ABTB2: variants seen among roughly 807,000 people sequenced by gnomAD.
The protein encoded by ABTB2 is ankyrin repeat and BTB/POZ domain-containing protein 2.
A neutral mutation model predicts 104.1 loss-of-function variants in ABTB2; 56 were observed. The ratio of observed to expected loss-of-function variants is 0.54; its 90% CI spans 0.43 to 0.67. ABTB2 has a LOEUF of 0.67. Ranked by LOEUF, ABTB2 falls within the 30% of genes least tolerant of loss-of-function variation. The probability of loss-of-function intolerance (pLI) is 0.00; values close to 1 mark genes in which losing one functional copy is unlikely to be tolerated. For synonymous variants in ABTB2, 606 were observed against 608.2 expected, an observed-to-expected ratio of 1.00 and a Z score of 0.05; for missense variants, 1,279 against 1,407.7, an observed-to-expected ratio of 0.91 and a Z score of 1.46.
chr11:34,251,807 G>A (rs891701059), intron 1 of ABTB2, among the ~76,000 whole-genome samples: 8 of 152,108 alleles, frequency 5.3e-5, no homozygotes, highest in Non-Finnish European at 1.2e-4. Context: ...AGAATGTGAG[G>A]CTATCTACAG....
chr11:34,182,062 A>G (rs914163573), intron 3 of ABTB2, among the ~76,000 whole-genome samples: 1 of 152,192 alleles, frequency 6.6e-6, no homozygotes, highest in Non-Finnish European at 1.5e-5. Context: ...AAAGATGCCA[A>G]GCTTTTCCTA....
At chr11:34,259,775 C>G (rs931769740) in intron 1 of ABTB2, among the ~76,000 whole-genome samples, 1 of 152,146 alleles carries the variant, frequency 6.6e-6, no homozygotes, top group African/African-American at 2.4e-5. Flanking sequence ...TAGGACTAGT[C>G]AACAAATCCC....
intron 1 of ABTB2, among the ~76,000 whole-genome samples, chr11:34,338,649 G>A (rs975319429): frequency 1.3e-4 from 20 of 152,080 alleles, no homozygotes; most frequent in African/African-American, 3.9e-4. Context: ...CTTGCAGTGA[G>A]CTGAGATCAC....
In ABTB2 at chr11:34,251,845, T is replaced by TAA. The variant is rs57620502; in HGVS notation, c.884-47157_884-47156dup. Among the ~76,000 whole-genome samples the TAA allele has an allele frequency of 5.8e-3, 882 of 152,000 alleles. 9 individuals carry two copies. Among genetic ancestry groups the TAA allele is most frequent in the African/African-American group, 0.017 (685 of 41,428 alleles). ...ACATGAGGAGTGATTCACCGCAGAC[T>TAA]AAAAAAACAGGAGCTTGAACGATAG... On this transcript the variant is annotated intron_variant, in intron 1 of 16. Transcript: ENST00000435224.
At chr11:34,339,064 T>C (rs1040166761) in intron 1 of ABTB2, among the ~76,000 whole-genome samples, 15 of 152,138 alleles carry the variant, frequency 9.9e-5, no homozygotes, top group Non-Finnish European at 1.8e-4. Flanking sequence ...ATGTTAACTG[T>C]TTTATATACA....
chr11:34,341,010 A>G (rs2133123198), intron 1 of ABTB2, among the ~76,000 whole-genome samples: 1 of 152,302 alleles, frequency 6.6e-6, no homozygotes, highest in Middle Eastern at 3.4e-3. Context: ...GCACTCCCTA[A>G]AGCCCCTTCC....
Position 34,357,276 on chromosome 11 carries a change from T to G in ABTB2, c.308A>C (p.Asp103Ala), listed in dbSNP as rs1356356095. ...ELEEFPWTEG[D>A]VARVLRKGAG... ...GCCTTTGCGGAGCACCCGGGCCACG[T>G]CTCCTTCGGTCCAGGGGAACTCCTC... Residue 103 changes from aspartate to alanine, a missense_variant, in exon 1 of 17, where the codon GAC becomes GCC. Physicochemically the swap from Asp to Ala is moderately radical, Grantham distance 126. Coordinates refer to ENST00000435224, the MANE Select transcript of ABTB2 (RefSeq NM_145804.3). 1 of 1,498,688 alleles carries G rather than the reference T, an allele frequency of 6.7e-7. No homozygotes were observed. Among genetic ancestry groups the G allele is most frequent in the Non-Finnish European group, 8.9e-7 (1 of 1,125,916 alleles). 92.8% of individuals were successfully genotyped at this position (1,498,688 alleles called of 1,614,324 possible).
intron 3 of ABTB2, among the ~76,000 whole-genome samples, chr11:34,180,469 C>A (rs1853013055): frequency 6.6e-6 from 1 of 152,216 alleles, no homozygotes; most frequent in African/African-American, 2.4e-5. Context: ...AAAGGCCTAA[C>A]CTAAATACCG....
At chr11:34,211,134 G>C (rs946054278) in intron 1 of ABTB2, among the ~76,000 whole-genome samples, 7 of 152,082 alleles carry the variant, frequency 4.6e-5, no homozygotes, top group Admixed American at 6.6e-5. Context: ...TTTGAGACGA[G>C]GTTTTATTCT....
chr11:34,229,267 A>G (rs61880436), intron 1 of ABTB2, among the ~76,000 whole-genome samples: 45,869 of 151,332 alleles, frequency 0.3, 7,320 homozygotes, highest in Non-Finnish European at 0.37. Flanking sequence ...CGGATCACAA[A>G]GTCAGGAGAT....
intron 1 of ABTB2, among the ~76,000 whole-genome samples, chr11:34,274,927 C>T (rs541784227): frequency 2.0e-5 from 3 of 152,236 alleles, no homozygotes; most frequent in South Asian, 2.1e-4. Context: ...GGGGTGATGA[C>T]GTCAGTGGAG....
chr11:34,345,393 C>A (rs755565048), intron 1 of ABTB2, among the ~76,000 whole-genome samples: 1 of 152,194 alleles, frequency 6.6e-6, no homozygotes, highest in African/African-American at 2.4e-5. Context: ...CTCCTTCAGG[C>A]CCCTTTTATT....
rs149332379 is a variant in ABTB2 at position 34,204,613 on chromosome 11, C to A, written c.961G>T (p.Ala321Ser). The A allele has an allele frequency of 3.1e-6, 5 of 1,613,712 alleles. No individual in the cohort carries two copies. The African/African-American group carries it at 6.7e-5, about 22-fold the overall frequency. ...LGHDERADAY[A>S]QLELRTLEQS... is the part of the protein sequence containing the mutation. ...TCCAGGGTTCGGAGCTCCAGCTGGG[C>A]ATAGGCATCGGCTCGCTCGTCATGG... The change falls in exon 2 of 17, where the codon GCC (alanine) becomes TCC (serine). Residue 321 changes from alanine to serine, a missense_variant. Coordinates refer to ENST00000435224, the MANE Select transcript of ABTB2 (RefSeq NM_145804.3).
intron 1 of ABTB2, among the ~76,000 whole-genome samples, chr11:34,240,264 T>G (rs1365991158): frequency 2.6e-5 from 4 of 152,198 alleles, no homozygotes; most frequent in African/African-American, 7.2e-5. Context: ...TTCCATTTGA[T>G]GAACCGTCTC....
At chr11:34,198,097 TA>T (rs1236561206) in intron 2 of ABTB2, among the ~76,000 whole-genome samples, 1 of 152,204 alleles carries the variant, frequency 6.6e-6, no homozygotes, top group Non-Finnish European at 1.5e-5. Context: ...CTTACAGTGC[TA>T]GGGGGTATTA....
chr11:34,266,146 G>A (rs775285118), intron 1 of ABTB2, among the ~76,000 whole-genome samples: 14 of 152,086 alleles, frequency 9.2e-5, no homozygotes, highest in Admixed American at 7.2e-4. Context: ...GCAGTGGTGC[G>A]ATCATAGCTC....
At chr11:34,273,479 C>T (rs4756125) in intron 1 of ABTB2, among the ~76,000 whole-genome samples, 17,424 of 152,118 alleles carry the variant, frequency 0.11, 1,192 homozygotes, top group Admixed American at 0.21. Context: ...CACTTCTCCA[C>T]TGGACGAAGC....
intron 1 of ABTB2, among the ~76,000 whole-genome samples, chr11:34,269,790 C>T (rs1456876431): frequency 6.6e-6 from 1 of 152,242 alleles, no homozygotes; most frequent in Non-Finnish European, 1.5e-5. Flanking sequence ...CTGATTTCCA[C>T]ACTCAGAGAG....
intron 1 of ABTB2, among the ~76,000 whole-genome samples, chr11:34,265,132 A>C (rs2133076850): frequency 6.6e-6 from 1 of 152,352 alleles, no homozygotes; most frequent in South Asian, 2.1e-4. Flanking sequence ...CAGGGATACA[A>C]GGAAAAATAG....
Sources: allele counts gnomAD v4.1 joint callset (sites outside exome capture counted in the v4.1 genomes callset), GRCh38; gene constraint gnomAD v4.1.1; transcripts MANE v1.5; gene names NCBI Gene and HGNC (gene_info 2026-07-23, HGNC 2026-07-21).